CTDSPL2: variants seen among roughly 807,000 people sequenced by gnomAD.
CTDSPL2 encodes CTD small phosphatase-like protein 2.
CTDSPL2 carries 5 observed loss-of-function variants against 60.0 expected under a neutral mutation model. The ratio of observed to expected loss-of-function variants is 0.08; its 90% confidence interval spans 0.04 to 0.18. CTDSPL2 has a LOEUF of 0.18. CTDSPL2 is among the 10% of genes least tolerant of loss of function. The pLI is 1.00. For missense variants in CTDSPL2, 370 were observed against 548.8 expected (o/e 0.67, Z 3.26); for synonymous variants, 186 against 189.3 (o/e 0.98, Z 0.14).
At chr15:44,506,412 C>CTTTTTTTTTTTTTTTTTTTTTTT (rs764238056) in intron 8 of CTDSPL2, among the ~76,000 whole-genome samples, 2 of 112,390 alleles carry the variant, frequency 1.8e-5, no homozygotes, top group East Asian at 3.0e-4. Flanking sequence ...CCTACTTTGA[C>CTTTTTTTTTTTTTTTTTTTTTTT]TTTTTTTTTT....
chr15:44,519,398 G>C (rs1026987728), intron 11 of CTDSPL2, 103 bp downstream of exon 11: 1 of 1,013,042 alleles, frequency 9.9e-7, no homozygotes, highest in African/African-American at 1.7e-5. Flanking sequence ...AATTTTCACT[G>C]GTGGAATTTC....
chr15:44,432,770 C>G (rs2141254304), intron 1 of CTDSPL2, among the ~76,000 whole-genome samples: 1 of 151,654 alleles, frequency 6.6e-6, no homozygotes, highest in South Asian at 2.1e-4. Context: ...CAGGTGCCCG[C>G]TATCACGCCT....
chr15:44,470,315 T>A (rs1309121043), intron 2 of CTDSPL2, among the ~76,000 whole-genome samples: 1 of 152,144 alleles, frequency 6.6e-6, no homozygotes, highest in Non-Finnish European at 1.5e-5. Flanking sequence ...ATGTATCTCA[T>A]TATCTCAAGT....
intron 8 of CTDSPL2, among the ~76,000 whole-genome samples, chr15:44,506,246 T>C (rs146998500): frequency 2.0e-5 from 3 of 151,750 alleles, no homozygotes; most frequent in African/African-American, 7.3e-5. Flanking sequence ...GCCAGGCTGG[T>C]CTTGAACTCC....
At chr15:44,522,110 A>T (rs2081789256) in intron 12 of CTDSPL2, among the ~76,000 whole-genome samples, 1 of 152,078 alleles carries the variant, frequency 6.6e-6, no homozygotes. Flanking sequence ...CACTATTCAC[A>T]GCAGCCTTGA....
At chr15:44,496,835 A>G (rs1445407786) in intron 6 of CTDSPL2, among the ~76,000 whole-genome samples, 192 bp from the exon 7 acceptor site, 1 of 152,224 alleles carries the variant, frequency 6.6e-6, no homozygotes, top group African/African-American at 2.4e-5. Flanking sequence ...TGTCTCAAAA[A>G]CAAACAAACA....
chr15:44,491,576 A>T (rs980731860), intron 5 of CTDSPL2, among the ~76,000 whole-genome samples: 2 of 152,226 alleles, frequency 1.3e-5, no homozygotes, highest in African/African-American at 4.8e-5. Flanking sequence ...TAGACAGGGT[A>T]CAAGATGGAA....
rs772518161 is a variant in CTDSPL2 at position 44,459,010 on chromosome 15, A to G, written c.-5A>G. On this transcript the variant is annotated 5_prime_UTR_variant, in exon 2 of 13. In the 5' UTR this introduces an upstream ATG that the reference lacks. Coordinates refer to ENST00000260327, the MANE Select transcript of CTDSPL2 (RefSeq NM_016396.3). ...TTTTAGTTTTACATGTGGCACCCAT[A>G]AAAGATGAGGCTGAGAACACGGAAA... is the stretch of plus-strand genomic sequence containing the variant. 1.3e-6 allele frequency: 2 copies of G among 1,528,020 alleles called. No individual in the cohort carries two copies. Among genetic ancestry groups the G allele is most frequent in the Non-Finnish European group, 1.8e-6 (2 of 1,141,596 alleles). 94.7% of individuals were successfully genotyped at this position (1,528,020 alleles called of 1,614,324 possible). A position where few individuals can be genotyped will look rare whatever the true frequency, so the allele number is the denominator to read the frequency against.
chr15:44,509,598 A>G (rs191819017), intron 8 of CTDSPL2, among the ~76,000 whole-genome samples: 59 of 152,298 alleles, frequency 3.9e-4, no homozygotes, highest in Non-Finnish European at 7.4e-4. Context: ...ACACAAAAAA[A>G]TAGACCATCA....
chr15:44,469,941 C>CA (rs1460437920), intron 2 of CTDSPL2, among the ~76,000 whole-genome samples: 5 of 151,568 alleles, frequency 3.3e-5, no homozygotes, highest in Non-Finnish European at 7.4e-5. Context: ...ACTGAAAATA[C>CA]AAAAAAATTA....
intron 1 of CTDSPL2, among the ~76,000 whole-genome samples, chr15:44,452,965 G>T (rs937638809): frequency 6.6e-6 from 1 of 152,002 alleles, no homozygotes; most frequent in African/African-American, 2.4e-5. Context: ...CGACCAGTTT[G>T]CTCCTTGCCT....
intron 1 of CTDSPL2, chr15:44,448,124 G>C (rs2080256069): frequency 3.9e-6 from 1 of 253,264 alleles, no homozygotes. Context: ...ATACCTGCAG[G>C]AACCATGCAC....
chr15:44,497,245 G>A, intron 7 of CTDSPL2, 107 bp downstream of exon 7: 1 of 607,970 alleles, frequency 1.6e-6, no homozygotes, highest in Non-Finnish European at 2.8e-6. Context: ...ATGTTTTCCT[G>A]AAGGACCAAA....
At chr15:44,479,683 A>G (rs2080990844) in intron 2 of CTDSPL2, among the ~76,000 whole-genome samples, 1 of 152,086 alleles carries the variant, frequency 6.6e-6, no homozygotes, top group South Asian at 2.1e-4. Context: ...TGCTAGAATT[A>G]CAGGCCTCCA....
intron 1 of CTDSPL2, among the ~76,000 whole-genome samples, chr15:44,440,200 T>G (rs574135907): frequency 1.9e-4 from 20 of 105,942 alleles, no homozygotes; most frequent in East Asian, 6.3e-4. Flanking sequence ...TGTTTTTGTG[T>G]TTTTTTTTTT....
chr15:44,515,986 CTT>C (rs562541301), intron 10 of CTDSPL2, among the ~76,000 whole-genome samples: 8 of 132,920 alleles, frequency 6.0e-5, no homozygotes, highest in Admixed American at 7.6e-5. Context: ...CTTTCTTTTT[CTT>C]TTTTTTTTTT....
At chr15:44,442,788 C>G (rs891154721) in intron 1 of CTDSPL2, among the ~76,000 whole-genome samples, 2 of 151,936 alleles carry the variant, frequency 1.3e-5, no homozygotes, top group Admixed American at 6.6e-5. Context: ...CCACCCTGGG[C>G]AATATAGTGG....
At chr15:44,492,076 C>G (rs2081224931) in intron 5 of CTDSPL2, among the ~76,000 whole-genome samples, 1 of 151,980 alleles carries the variant, frequency 6.6e-6, no homozygotes, top group African/African-American at 2.4e-5. Context: ...ATCATGTTGA[C>G]CAGGCTGGTC....
intron 1 of CTDSPL2, among the ~76,000 whole-genome samples, chr15:44,440,165 G>C (rs1226939727): frequency 2.0e-5 from 3 of 151,162 alleles, no homozygotes; most frequent in Non-Finnish European, 4.4e-5. Flanking sequence ...GAGTGTACAG[G>C]CATAAAGTTG....
Sources: allele counts gnomAD v4.1 joint callset (sites outside exome capture counted in the v4.1 genomes callset), GRCh38; gene constraint gnomAD v4.1.1; transcripts MANE v1.5; gene names NCBI Gene and HGNC (gene_info 2026-07-23, HGNC 2026-07-21).